Variants in DAAM1 observed in about 807,000 individuals in gnomAD.
The protein encoded by DAAM1 is dishevelled associated activator of morphogenesis 1, also known as disheveled-associated activator of morphogenesis 1.
In DAAM1, 52 loss-of-function variants were observed where a neutral mutation model predicts 130.0. The observed-to-expected ratio is 0.40, with a 90% CI of 0.32 to 0.50. DAAM1 has a LOEUF of 0.50. Among genes scored for constraint, DAAM1 ranks in the 20% least tolerant of loss-of-function variants. The pLI, the probability that DAAM1 is intolerant of heterozygous loss-of-function variation, is 0.61. For missense variants in DAAM1, 1,134 were observed against 1,303.8 expected, an observed-to-expected ratio of 0.87 and a Z score of 2.01; for synonymous variants, 452 against 444.5, an observed-to-expected ratio of 1.02 and a Z score of -0.21.
At chr14:59,331,756 C>A (rs1430893862) in intron 14 of DAAM1, 57 bp from the exon 15 acceptor site, 22 of 1,552,376 alleles carry the variant, frequency 1.4e-5, no homozygotes, top group Admixed American at 1.9e-5. Context: ...AATAACCATC[C>A]CTGTTCTTTT....
intron 1 of DAAM1, among the ~76,000 whole-genome samples, chr14:59,214,542 G>A (rs1200680078): frequency 6.6e-6 from 1 of 152,168 alleles, no homozygotes; most frequent in African/African-American, 2.4e-5. Context: ...CTACTAATCT[G>A]CTTTCTGTCT....
intron 12 of DAAM1, among the ~76,000 whole-genome samples, chr14:59,327,402 C>CTTTTTTTTTTGTTTTTTTTTT (rs1885250078): frequency 1.7e-5 from 1 of 58,992 alleles, no homozygotes; most frequent in African/African-American, 7.7e-5. Flanking sequence ...CACTTGGTTT[C>CTTTTTTTTTTGTTTTTTTTTT]TTTTTTTTTT....
At chr14:59,274,618 T>C (rs948689987) in intron 2 of DAAM1, among the ~76,000 whole-genome samples, 6 of 152,234 alleles carry the variant, frequency 3.9e-5, no homozygotes, top group Non-Finnish European at 8.8e-5. Flanking sequence ...GATGTATAAC[T>C]AATTACTGAA....
At chr14:59,296,307 A>G (rs1022520867) in intron 3 of DAAM1, among the ~76,000 whole-genome samples, 3 of 152,242 alleles carry the variant, frequency 2.0e-5, no homozygotes, top group Non-Finnish European at 2.9e-5. Context: ...TGAAACAGTA[A>G]GAAATAACAA....
intron 3 of DAAM1, among the ~76,000 whole-genome samples, chr14:59,296,876 C>T (rs1043846693): frequency 6.6e-6 from 1 of 152,138 alleles, no homozygotes; most frequent in Non-Finnish European, 1.5e-5. Flanking sequence ...ATTTGTAGAG[C>T]CTGTTAGGAA....
chr14:59,246,133 A>G (rs936539853), intron 1 of DAAM1, among the ~76,000 whole-genome samples: 1 of 152,180 alleles, frequency 6.6e-6, no homozygotes, highest in Non-Finnish European at 1.5e-5. Flanking sequence ...TTCAAAGCAT[A>G]TTCACATTGT....
chr14:59,338,296 G>C, intron 15 of DAAM1: 1 of 1,307,972 alleles, frequency 7.6e-7, no homozygotes, highest in Non-Finnish European at 1.1e-6. Flanking sequence ...TTGTTTCCTT[G>C]ACTGCTTTGA....
intron 1 of DAAM1, among the ~76,000 whole-genome samples, chr14:59,251,053 C>T (rs1881616391): frequency 6.6e-6 from 1 of 152,204 alleles, no homozygotes; most frequent in Non-Finnish European, 1.5e-5. Flanking sequence ...GGCCCCAACA[C>T]CAGAGATTCC....
chr14:59,267,567 T>C (rs1882500680), intron 2 of DAAM1, among the ~76,000 whole-genome samples: 1 of 152,190 alleles, frequency 6.6e-6, no homozygotes, highest in South Asian at 2.1e-4. Flanking sequence ...AGTGTGCAAT[T>C]CAGTGGCTTT....
chr14:59,282,179 C>T (rs1442631549), intron 2 of DAAM1, among the ~76,000 whole-genome samples: 1 of 152,066 alleles, frequency 6.6e-6, no homozygotes, highest in Non-Finnish European at 1.5e-5. Flanking sequence ...TAACATGTTC[C>T]CTCATAATGG....
intron 3 of DAAM1, among the ~76,000 whole-genome samples, chr14:59,300,804 T>G (rs1025516757): frequency 6.6e-6 from 1 of 152,228 alleles, no homozygotes. Context: ...ATACTGTTTC[T>G]CCATTTTAAC....
chr14:59,315,448 C>G lies in DAAM1; in HGVS notation c.345+97C>G, dbSNP rs1594817047. ...ATAAATTCGATTGAGTATGACCTAC[C>G]AAATGTCAGTACCTTTCCAAACTCC... On this transcript the variant is annotated intron_variant, in intron 4 of 24. Coordinates refer to ENST00000360909, the MANE Select transcript of DAAM1 (RefSeq NM_001270520.2). 2.6e-6 allele frequency: 3 copies of G among 1,133,342 alleles called. No homozygotes were observed. The East Asian group carries it at 7.1e-5, about 27-fold the overall frequency. The allele number at this position is 1,133,342 out of a possible 1,614,324, so 70.2% of individuals were successfully genotyped here. A position where few individuals can be genotyped will look rare whatever the true frequency, so the allele number is the denominator to read the frequency against.
At chr14:59,332,891 T>G (rs763238397) in intron 15 of DAAM1, among the ~76,000 whole-genome samples, 17 of 152,018 alleles carry the variant, frequency 1.1e-4, no homozygotes, top group Admixed American at 4.6e-4. Flanking sequence ...TACGGGGCTT[T>G]CCTTGGGCTT....
intron 2 of DAAM1, among the ~76,000 whole-genome samples, chr14:59,274,764 T>A (rs1251873751): frequency 6.6e-6 from 1 of 152,230 alleles, no homozygotes; most frequent in African/African-American, 2.4e-5. Flanking sequence ...GGGCTGATTC[T>A]TATACTCTGC....
chr14:59,199,359 A>AG (rs1390504093), intron 1 of DAAM1, among the ~76,000 whole-genome samples: 8 of 152,126 alleles, frequency 5.3e-5, no homozygotes, highest in Admixed American at 2.0e-4. Context: ...CAGCCTCCGG[A>AG]GTTGCTGGGA....
intron 1 of DAAM1, among the ~76,000 whole-genome samples, chr14:59,205,680 A>C (rs1456581363): frequency 1.3e-5 from 2 of 152,226 alleles, no homozygotes; most frequent in Non-Finnish European, 2.9e-5. Context: ...CTATATTTAA[A>C]ATCTTTACCT....
intron 3 of DAAM1, among the ~76,000 whole-genome samples, chr14:59,299,413 G>A (rs1285479396): frequency 1.3e-5 from 2 of 152,140 alleles, no homozygotes; most frequent in East Asian, 3.9e-4. Context: ...ATATGGTTTA[G>A]TACTTATCAG....
At chr14:59,300,493 C>G (rs972692055) in intron 3 of DAAM1, among the ~76,000 whole-genome samples, 1 of 152,146 alleles carries the variant, frequency 6.6e-6, no homozygotes, top group South Asian at 2.1e-4. Flanking sequence ...AAAGAAAAAA[C>G]TAACCTCTGA....
At chr14:59,295,003 T>A (rs756702689) in intron 3 of DAAM1, among the ~76,000 whole-genome samples, 4 of 152,254 alleles carry the variant, frequency 2.6e-5, no homozygotes, top group Non-Finnish European at 5.9e-5. Flanking sequence ...ACAAGTTGTG[T>A]CACTTAACCA....
Sources: gnomAD v4.1 joint callset for allele counts (sites outside exome capture counted in the v4.1 genomes callset) on GRCh38, gnomAD v4.1.1 for gene constraint, MANE v1.5 for transcripts, NCBI Gene and HGNC (gene_info 2026-07-23, HGNC 2026-07-21) for gene names.